Variants in EXOC4 observed in about 807,000 individuals in gnomAD.
The protein encoded by EXOC4 is SEC8-like 1.
In EXOC4, 71 loss-of-function variants were observed where a neutral mutation model predicts 107.2. The observed-to-expected ratio is 0.66, with a 90% CI of 0.55 to 0.81. EXOC4 has a LOEUF of 0.81. Ranked by LOEUF, EXOC4 falls within the 30% of genes least tolerant of loss-of-function variation. The probability of loss-of-function intolerance (pLI) is 0.00; values close to 1 mark genes in which losing one functional copy is unlikely to be tolerated. For synonymous variants in EXOC4, 456 were observed against 441.2 expected, an observed-to-expected ratio of 1.03 and a Z score of -0.42; for missense variants, 1,108 against 1,189.6, an observed-to-expected ratio of 0.93 and a Z score of 1.01.
rs966947156 is a variant in EXOC4, at chr7:133,849,613, G to A, written c.1734+32069G>A. On this transcript the variant is annotated intron_variant, in intron 11 of 17. Coordinates refer to ENST00000253861, the MANE Select transcript of EXOC4 (RefSeq NM_021807.4). ...TAAAAATTTAAGTCCACGCTTATGA[G>A]CCAAAAGAGCCAGCTCCAGCACATC... Among the ~76,000 whole-genome samples the A allele has an allele frequency of 2.0e-5, 3 of 152,230 alleles. No individual in the cohort carries two copies. The South Asian group carries it at 6.2e-4, about 32-fold the overall frequency.
At chr7:133,274,952 TTAGCTTGA>T (rs1357952141) in intron 1 of EXOC4, 22 bp from the exon 2 acceptor site, 10 of 1,482,568 alleles carry the variant, frequency 6.7e-6, no homozygotes, top group Non-Finnish European at 9.0e-6. Flanking sequence ...CAAGTTTTAC[TTAGCTTGA>T]TATACTCTCT....
intron 11 of EXOC4, among the ~76,000 whole-genome samples, chr7:133,878,461 A>T (rs1362104635): frequency 1.3e-5 from 2 of 152,142 alleles, no homozygotes; most frequent in African/African-American, 2.4e-5. Flanking sequence ...GCTTGATTAG[A>T]TTGAAGTTAA....
intron 7 of EXOC4, among the ~76,000 whole-genome samples, chr7:133,473,740 G>A (rs977286154): frequency 5.5e-4 from 83 of 150,844 alleles, no homozygotes; most frequent in African/African-American, 1.9e-3. Flanking sequence ...TCACTCTGTC[G>A]CCCAGGCTGG....
At chr7:134,073,358 G>A in the EXOC4 span, among the ~76,000 whole-genome samples, 12 of 151,294 alleles carry the variant, frequency 7.9e-5, no homozygotes, top group East Asian at 7.8e-4. Context: ...GATCTTACAC[G>A]ATTGTTTCAG....
At chr7:134,047,795 C>A (rs1360386544) in intron 17 of EXOC4, among the ~76,000 whole-genome samples, 1 of 152,192 alleles carries the variant, frequency 6.6e-6, no homozygotes, top group East Asian at 1.9e-4. Flanking sequence ...TATTTGTACT[C>A]CTGATTTATA....
intron 9 of EXOC4, among the ~76,000 whole-genome samples, chr7:133,547,301 T>C (rs143588352): frequency 6.6e-6 from 1 of 152,216 alleles, no homozygotes; most frequent in African/African-American, 2.4e-5. Context: ...ATCAGCTTTA[T>C]TGATAAAAAA....
At chr7:133,810,941 GCTTTAAA>G (rs1157998907) in intron 10 of EXOC4, among the ~76,000 whole-genome samples, 1 of 152,080 alleles carries the variant, frequency 6.6e-6, no homozygotes, top group Non-Finnish European at 1.5e-5. Context: ...CCAGATCCAT[GCTTTAAA>G]CATTTGAAAG....
chr7:133,271,112 G>T lies in EXOC4; in HGVS notation c.87-3870G>T, dbSNP rs563158281. Among the ~76,000 whole-genome samples, 20 of 151,958 alleles carry T rather than the reference G, an allele frequency of 1.3e-4. No homozygotes were observed. In the East Asian group the frequency reaches 3.5e-3, roughly 26 times the overall value. On this transcript the variant is annotated intron_variant, in intron 1 of 17. Coordinates refer to ENST00000253861, the MANE Select transcript of EXOC4 (RefSeq NM_021807.4). Reference sequence around the variant, plus strand: ...TTTTTATATTTTTAGTAGAGACAGGGTTTCACCATATTGGCCAGGCTGGTC... The same window carrying T: ...TTTTTATATTTTTAGTAGAGACAGGTTTTCACCATATTGGCCAGGCTGGTC...
At chr7:133,388,966 C>G (rs1030908491) in intron 7 of EXOC4, among the ~76,000 whole-genome samples, 2 of 152,062 alleles carry the variant, frequency 1.3e-5, no homozygotes, top group Non-Finnish European at 2.9e-5. Flanking sequence ...TATTTTTGTC[C>G]TGTATCTTGG....
intron 1 of EXOC4, among the ~76,000 whole-genome samples, chr7:133,269,016 C>G (rs1478749810): frequency 6.6e-6 from 1 of 152,066 alleles, no homozygotes; most frequent in Non-Finnish European, 1.5e-5. Flanking sequence ...AAGTCATAAT[C>G]ATTTTGAGAA....
intron 11 of EXOC4, among the ~76,000 whole-genome samples, chr7:133,867,547 C>T (rs746679191): frequency 6.6e-6 from 1 of 152,156 alleles, no homozygotes; most frequent in Non-Finnish European, 1.5e-5. Flanking sequence ...GGGAACCATT[C>T]TTTTCAAGTG....
chr7:133,310,638 G>A (rs954475078), intron 4 of EXOC4, among the ~76,000 whole-genome samples: 10 of 152,204 alleles, frequency 6.6e-5, no homozygotes, highest in African/African-American at 2.4e-4. Context: ...AGCACACACA[G>A]TCTTAGACAA....
At chr7:133,405,469 T>C (rs1300082922) in intron 7 of EXOC4, among the ~76,000 whole-genome samples, 1 of 152,190 alleles carries the variant, frequency 6.6e-6, no homozygotes, top group Non-Finnish European at 1.5e-5. Context: ...TGATATAATT[T>C]TTTATTTTCT....
At position 133,796,004 on chromosome 7, in the gene EXOC4, A is replaced by T. The variant is rs1336823982; in HGVS notation, c.1515-21321A>T. ...GTAGATACAGTTGAGAATAAGGAAG[A>T]TGTATGATGATGCTTCCTTTTATTT... On this transcript the variant is annotated intron_variant, in intron 10 of 17. Coordinates refer to ENST00000253861, the MANE Select transcript of EXOC4 (RefSeq NM_021807.4). Among the ~76,000 whole-genome samples the T allele has an allele frequency of 2.6e-5, 4 of 152,208 alleles. No homozygotes were observed. In the East Asian group the frequency reaches 7.7e-4, roughly 29 times the overall value.
intron 11 of EXOC4, among the ~76,000 whole-genome samples, chr7:133,855,868 C>G (rs1351737695): frequency 6.6e-6 from 1 of 152,154 alleles, no homozygotes; most frequent in African/African-American, 2.4e-5. Context: ...TGATTTTAAG[C>G]CTGCTTTGGC....
At chr7:133,853,378 A>ACACACACAC (rs1376009273) in intron 11 of EXOC4, among the ~76,000 whole-genome samples, 1 of 148,238 alleles carries the variant, frequency 6.7e-6, no homozygotes, top group Non-Finnish European at 1.5e-5. Context: ...ACACACACAC[A>ACACACACAC]CACACACACA....
Position 133,326,597 on chromosome 7 carries a change from G to C in EXOC4, c.763+9207G>C, listed in dbSNP as rs573569467. ...TCGTCTCAGAGGGGCAGCCGGCTGT[G>C]TGAGGTGTCATTCTGCCCCTACTGG... is the stretch of plus-strand genomic sequence containing the variant. On this transcript the variant is annotated intron_variant, in intron 5 of 17. Coordinates refer to ENST00000253861, the MANE Select transcript of EXOC4 (RefSeq NM_021807.4). Among the ~76,000 whole-genome samples the C allele has an allele frequency of 5.3e-5, 8 of 152,326 alleles. No homozygotes were observed. In the East Asian group the frequency reaches 1.5e-3, roughly 29 times the overall value.
rs574575625 is a variant in EXOC4, at chr7:133,687,563, C to T, written c.1514+57422C>T. On this transcript the variant is annotated intron_variant, in intron 10 of 17. Transcript: ENST00000253861. ...TTCTTTACAGATTCTTTCATTTCTT[C>T]GCTGCTATATAAACCCTTAGTTTTG... is the stretch of plus-strand genomic sequence containing the variant. Among the ~76,000 whole-genome samples, 118 of 152,196 alleles carry T rather than the reference C, an allele frequency of 7.8e-4. 1 individual carries two copies. The highest frequency in any genetic ancestry group is 4.6e-3 in the Admixed American group (71 of 15,278).
At chr7:133,900,172 G>A (rs934437168) in intron 12 of EXOC4, among the ~76,000 whole-genome samples, 2 of 152,114 alleles carry the variant, frequency 1.3e-5, no homozygotes, top group African/African-American at 2.4e-5. Flanking sequence ...TGGGGATAAA[G>A]AAATTAATCA....
Sources: allele counts gnomAD v4.1 joint callset (sites outside exome capture counted in the v4.1 genomes callset), GRCh38; gene constraint gnomAD v4.1.1; transcripts MANE v1.5; gene names NCBI Gene and HGNC (gene_info 2026-07-23, HGNC 2026-07-21).